Variants in COL23A1 observed in about 807,000 individuals in gnomAD.
The protein encoded by COL23A1 is collagen type XXIII alpha 1 chain, also known as collagen alpha-1(XXIII) chain.
A neutral mutation model predicts 99.3 loss-of-function variants in COL23A1; 97 were observed. The observed-to-expected ratio is 0.98, with a 90% confidence interval of 0.83 to 1.16. The LOEUF (loss-of-function observed/expected upper bound fraction) is 1.16. COL23A1 is among the 50% of genes most tolerant of loss of function. COL23A1 has a pLI of 0.00. For missense variants in COL23A1, 762 were observed against 757.4 expected, an observed-to-expected ratio of 1.01 and a Z score of -0.07; for synonymous variants, 320 against 308.2, an observed-to-expected ratio of 1.04 and a Z score of -0.40.
chr5:178,301,650 C>CT (rs1171253222), intron 3 of COL23A1, among the ~76,000 whole-genome samples: 2 of 152,322 alleles, frequency 1.3e-5, no homozygotes, highest in East Asian at 1.9e-4. Flanking sequence ...TAAAGTGTGT[C>CT]TTTTTTGTCA....
chr5:178,270,314 G>A (rs769991640), intron 6 of COL23A1, 23 bp downstream of exon 6: 2 of 1,613,682 alleles, frequency 1.2e-6, no homozygotes, highest in South Asian at 2.2e-5. Flanking sequence ...AGGACCCCCT[G>A]GAATTGCCCT....
At chr5:178,574,174 A>G (rs1763238639) in intron 1 of COL23A1, among the ~76,000 whole-genome samples, 1 of 152,126 alleles carries the variant, frequency 6.6e-6, no homozygotes, top group South Asian at 2.1e-4. Flanking sequence ...GGTTCTATTT[A>G]TATGAGGTTC....
At chr5:178,447,637 G>C (rs998818555) in intron 2 of COL23A1, among the ~76,000 whole-genome samples, 6 of 152,204 alleles carry the variant, frequency 3.9e-5, no homozygotes, top group African/African-American at 1.2e-4. Flanking sequence ...ATCTAGGCTT[G>C]TGAGTACACT....
chr5:178,432,739 G>T (rs941585919), intron 2 of COL23A1, among the ~76,000 whole-genome samples: 5 of 150,184 alleles, frequency 3.3e-5, no homozygotes, highest in African/African-American at 1.2e-4. Context: ...TCTGGGGCTG[G>T]TAAGGGCCCA....
At chr5:178,588,598 G>T (rs538779840) in intron 1 of COL23A1, among the ~76,000 whole-genome samples, 1 of 152,300 alleles carries the variant, frequency 6.6e-6, no homozygotes, top group East Asian at 1.9e-4. Context: ...AAGTCTGCAG[G>T]CCCTTTCAAG....
chr5:178,289,502 G>T (rs1757335010), intron 4 of COL23A1, among the ~76,000 whole-genome samples: 1 of 152,258 alleles, frequency 6.6e-6, no homozygotes, highest in Admixed American at 6.5e-5. Flanking sequence ...TTTTCCTCCT[G>T]CTCCAGTGCC....
intron 2 of COL23A1, among the ~76,000 whole-genome samples, chr5:178,485,512 C>T (rs982603721): frequency 8.0e-5 from 12 of 150,748 alleles, no homozygotes; most frequent in African/African-American, 2.9e-4. Flanking sequence ...GTGGCTCATG[C>T]CTGTAATCCC....
chr5:178,346,420 C>T (rs1581192765), intron 2 of COL23A1, among the ~76,000 whole-genome samples: 1 of 151,892 alleles, frequency 6.6e-6, no homozygotes, highest in Non-Finnish European at 1.5e-5. Flanking sequence ...ATTTTTAGTA[C>T]AGGTGGGGTT....
Position 178,249,716 on chromosome 5 carries a change from A to ACACACACACTCTCTCTCTCT in COL23A1, c.1059+344_1059+345insAGAGAGAGAGAGTGTGTGTG. Among the ~76,000 whole-genome samples, 40 of 92,812 alleles carry ACACACACACTCTCTCTCTCT rather than the reference A, an allele frequency of 4.3e-4. 1 individual carries two copies. Among genetic ancestry groups the ACACACACACTCTCTCTCTCT allele is most frequent in the African/African-American group, 1.1e-3 (27 of 23,486 alleles). The allele number at this position is 92,812 out of a possible 152,430, so 60.9% of individuals were successfully genotyped here. A position where few individuals can be genotyped will look rare whatever the true frequency, so the allele number is the denominator to read the frequency against. On this transcript the variant is annotated intron_variant, in intron 18 of 28. Transcript: ENST00000390654. ...CACACACACACACACACACACACAC[A>ACACACACACTCTCTCTCTCT]CTCTCTCTCTCTCTCTCTCTCTCTC... is the stretch of plus-strand genomic sequence containing the variant.
At chr5:178,480,741 G>A (rs1379155348) in intron 2 of COL23A1, among the ~76,000 whole-genome samples, 1 of 152,092 alleles carries the variant, frequency 6.6e-6, no homozygotes, top group East Asian at 1.9e-4. Context: ...ACCTACTCTA[G>A]GTATCTAGTC....
intron 2 of COL23A1, among the ~76,000 whole-genome samples, chr5:178,491,385 C>T (rs1403905050): frequency 6.6e-6 from 1 of 152,196 alleles, no homozygotes; most frequent in Non-Finnish European, 1.5e-5. Flanking sequence ...CGTGAGCTCA[C>T]TCCCAGGACA....
chr5:178,288,581 C>T (rs753468372), intron 4 of COL23A1: 1 of 613,892 alleles, frequency 1.6e-6, no homozygotes, highest in African/African-American at 1.9e-5. Context: ...CATCGGGGCT[C>T]CGGGCACAGT....
chr5:178,518,637 A>G (rs1436092114), intron 2 of COL23A1, among the ~76,000 whole-genome samples: 298 of 102,314 alleles, frequency 2.9e-3, no homozygotes, highest in African/African-American at 0.013. Flanking sequence ...CCGGGCAGAG[A>G]CGCTCCTCAC....
intron 11 of COL23A1, 94 bp downstream of exon 11, chr5:178,261,628 A>C: frequency 2.4e-6 from 2 of 822,536 alleles, no homozygotes; most frequent in Non-Finnish European, 4.2e-6. Context: ...TGGCTTCACT[A>C]GGGGTGGGGG....
intron 2 of COL23A1, among the ~76,000 whole-genome samples, chr5:178,416,369 C>T (rs1161726891): frequency 2.6e-5 from 4 of 152,212 alleles, no homozygotes; most frequent in Non-Finnish European, 4.4e-5. Flanking sequence ...TCCATCGTGG[C>T]TGACCGGAGC....
rs570919617 is a variant in COL23A1, at chr5:178,555,781, C to A, written c.361+4901G>T. Among the ~76,000 whole-genome samples the A allele has an allele frequency of 3.3e-5, 5 of 152,312 alleles. No homozygotes were observed. The East Asian group carries it at 7.7e-4, about 24-fold the overall frequency. ...CAGGCTCCAAGGTGCCGGCCCTCAC[C>A]AGTTCCCTGGGATGCCCCCGAGTCA... On this transcript the variant is annotated intron_variant, in intron 2 of 28. Coordinates refer to ENST00000390654, the MANE Select transcript of COL23A1 (RefSeq NM_173465.4).
chr5:178,287,274 G>C (rs1343996966), intron 5 of COL23A1, among the ~76,000 whole-genome samples: 1 of 152,166 alleles, frequency 6.6e-6, no homozygotes, highest in Non-Finnish European at 1.5e-5. Context: ...GCTCATTGCT[G>C]GGGGAGCTGC....
chr5:178,489,266 T>C (rs1488278208), intron 2 of COL23A1, among the ~76,000 whole-genome samples: 1 of 152,150 alleles, frequency 6.6e-6, no homozygotes, highest in Non-Finnish European at 1.5e-5. Flanking sequence ...GGGAGACACT[T>C]TTTCTCCTCC....
At chr5:178,566,124 TC>T (rs1489481170) in intron 1 of COL23A1, among the ~76,000 whole-genome samples, 1 of 151,760 alleles carries the variant, frequency 6.6e-6, no homozygotes, top group African/African-American at 2.4e-5. Flanking sequence ...CAAGACTCCA[TC>T]CCAAAAAATA....
Sources: gnomAD v4.1 joint callset for allele counts (sites outside exome capture counted in the v4.1 genomes callset) on GRCh38, gnomAD v4.1.1 for gene constraint, MANE v1.5 for transcripts, NCBI Gene and HGNC (gene_info 2026-07-23, HGNC 2026-07-21) for gene names.